The following ADGRV1 variants were observed in gnomAD, a reference collection of about 807,000 sequenced individuals.
ADGRV1 encodes the protein G-protein coupled receptor 98.
ADGRV1 carries 359 observed loss-of-function variants against 596.2 expected under a neutral mutation model. The ratio of observed to expected loss-of-function variants is 0.60; its 90% CI spans 0.55 to 0.66. The LOEUF (loss-of-function observed/expected upper bound fraction) is 0.66. ADGRV1 is among the 30% of genes least tolerant of loss of function. The pLI is 0.00. For missense variants in ADGRV1, 7,274 were observed against 7,575.6 expected, an observed-to-expected ratio of 0.96 and a Z score of 1.48; for synonymous variants, 2,681 against 2,679.2, an observed-to-expected ratio of 1.00 and a Z score of -0.02.
Position 90,653,727 on chromosome 5 carries a change from G to A in ADGRV1, c.4153G>A (p.Val1385Ile). 2 of 1,612,856 alleles carry A rather than the reference G, an allele frequency of 1.2e-6. No individual in the cohort carries two copies. The highest frequency in any genetic ancestry group is 1.1e-5 in the South Asian group (1 of 90,810). Residue 1385 changes from valine (V) to isoleucine (I), a missense_variant, in exon 20 of 90, where the codon GTA (valine) becomes ATA (isoleucine). Physicochemically the swap from Val to Ile is conservative, Grantham distance 29 (BLOSUM62 3). Transcript: ENST00000405460. ...DDGNGSIYYG[V>I]KIQTNESHVT... The stretch of plus-strand genomic sequence containing the variant: ...CGGTAATGGAAGCATCTACTACGGG[G>A]TAAAAATACAAACAAACGAATCCCA...
intron 11 of ADGRV1, among the ~76,000 whole-genome samples, chr5:90,639,972 C>T (rs1027750237): frequency 6.6e-6 from 1 of 152,092 alleles, no homozygotes; most frequent in Non-Finnish European, 1.5e-5. Context: ...CTCTATATTT[C>T]AACTCAATAT....
chr5:90,928,326 C>T (rs1324624261), intron 83 of ADGRV1, among the ~76,000 whole-genome samples: 2 of 152,024 alleles, frequency 1.3e-5, no homozygotes, highest in East Asian at 3.9e-4. Context: ...AGGCTTTGCT[C>T]GTTTCTTTTT....
At chr5:91,163,093 G>GT (rs1282139535) in intron 89 of ADGRV1, among the ~76,000 whole-genome samples, 4 of 152,254 alleles carry the variant, frequency 2.6e-5, no homozygotes, top group African/African-American at 7.2e-5. Flanking sequence ...CTCTAGCATA[G>GT]TTTTTTCTCA....
chr5:90,764,351 G>C (rs1235510681), intron 59 of ADGRV1, among the ~76,000 whole-genome samples: 1 of 152,196 alleles, frequency 6.6e-6, no homozygotes, highest in South Asian at 2.1e-4. Context: ...CTAAAGGCGG[G>C]GAGTTGGGCC....
At chr5:90,641,451 A>G (rs966688306) in intron 11 of ADGRV1, among the ~76,000 whole-genome samples, 1 of 152,172 alleles carries the variant, frequency 6.6e-6, no homozygotes, top group Non-Finnish European at 1.5e-5. Context: ...TTGCATTCTG[A>G]TCCAGTTTTT....
Position 90,644,876 on chromosome 5 carries a change from A to G in ADGRV1, c.2898+7A>G. The stretch of plus-strand genomic sequence containing the variant: ...TTACTCCCTTCCAGATGAGGTAAAT[A>G]TTGCATATAACTTTCTGCCTTACTT... On this transcript the variant is annotated splice_region_variant and intron_variant, in intron 15 of 89. Transcript: ENST00000405460. 2 of 1,562,890 alleles carry G rather than the reference A, an allele frequency of 1.3e-6. No homozygotes were observed. Among genetic ancestry groups the G allele is most frequent in the Non-Finnish European group, 1.7e-6 (2 of 1,155,448 alleles).
intron 50 of ADGRV1, among the ~76,000 whole-genome samples, chr5:90,735,877 G>T (rs1753161413): frequency 6.6e-6 from 1 of 152,018 alleles, no homozygotes; most frequent in Non-Finnish European, 1.5e-5. Context: ...TTGTTTTAAT[G>T]CAAACTTTAG....
At position 90,823,454 on chromosome 5, in the gene ADGRV1, G is replaced by T. The variant is rs567881943; in HGVS notation, c.16226G>T (p.Arg5409Leu). ...TTTGAAGATGTCAAGGTCTTTTGGC[G>T]AGTCACACTTAACAAAACAGTCGTC... ...RAFEDVKVFW[R>L]VTLNKTVVVL... Residue 5409 changes from arginine (R) to leucine (L), a missense_variant, in exon 76 of 90, where the codon CGA becomes CTA. By Grantham distance (102) the Arg-to-Leu change is moderately radical. Coordinates refer to ENST00000405460, the MANE Select transcript of ADGRV1 (RefSeq NM_032119.4). 1 of 1,613,648 alleles carries T rather than the reference G, an allele frequency of 6.2e-7. No homozygotes were observed. Among genetic ancestry groups the T allele is most frequent in the African/African-American group, 1.3e-5 (1 of 74,900 alleles).
At chr5:91,098,846 T>C (rs980099323) in intron 86 of ADGRV1, among the ~76,000 whole-genome samples, 2 of 152,178 alleles carry the variant, frequency 1.3e-5, no homozygotes, top group African/African-American at 4.8e-5. Context: ...ATACAAAATG[T>C]GCATGTCCCT....
At chr5:90,678,520 A>G (rs568697912) in intron 25 of ADGRV1, among the ~76,000 whole-genome samples, 5 of 150,476 alleles carry the variant, frequency 3.3e-5, no homozygotes, top group African/African-American at 1.2e-4. Context: ...GCTATAACAG[A>G]ATACCACATA....
In ADGRV1 at chr5:90,627,165, TG is replaced by T. The variant is rs1489281569; in HGVS notation, c.673-45del. The T allele has an allele frequency of 5.9e-6, 6 of 1,009,218 alleles. No individual in the cohort carries two copies. In the East Asian group the frequency reaches 1.6e-4, roughly 26 times the overall value. The allele number at this position is 1,009,218 out of a possible 1,614,324, so 62.5% of individuals were successfully genotyped here. ...TGTTACACTTTAGTTTATTTGCAGG[TG>T]TTTTGGCTGTTGATGTTTTGCCTCT... On this transcript the variant is annotated intron_variant, in intron 6 of 89. Transcript: ENST00000405460.
chr5:90,620,744 G>A (rs928470766), intron 4 of ADGRV1, among the ~76,000 whole-genome samples: 3 of 152,188 alleles, frequency 2.0e-5, no homozygotes, highest in African/African-American at 7.2e-5. Context: ...TAACAGGTAA[G>A]TCTTTAATCT....
intron 21 of ADGRV1, among the ~76,000 whole-genome samples, chr5:90,664,177 G>A (rs1234627152): frequency 4.7e-5 from 7 of 148,416 alleles, no homozygotes; most frequent in African/African-American, 1.8e-4. Context: ...GATGGGGATG[G>A]CATTGAATCT....
At chr5:91,141,814 G>A (rs1167725406) in intron 87 of ADGRV1, among the ~76,000 whole-genome samples, 1 of 152,174 alleles carries the variant, frequency 6.6e-6, no homozygotes, top group Non-Finnish European at 1.5e-5. Flanking sequence ...CTTCCCAGGG[G>A]TGTCTGCCAA....
rs148230622 is a variant in ADGRV1 at position 90,874,688 on chromosome 5, C to T, written c.17856+10831C>T. ...CATCCTGGCTAACATGGTGAAACCCCGTCTCTACTAAAAATACAAATTAGC... is the reference window on the plus strand; with the variant it reads ...CATCCTGGCTAACATGGTGAAACCCTGTCTCTACTAAAAATACAAATTAGC... On this transcript the variant is annotated intron_variant, in intron 83 of 89. Coordinates refer to ENST00000405460, the MANE Select transcript of ADGRV1 (RefSeq NM_032119.4). Among the ~76,000 whole-genome samples, 15 of 151,938 alleles carry T rather than the reference C, an allele frequency of 9.9e-5. No homozygotes were observed. The East Asian group carries it at 1.2e-3, about 12-fold the overall frequency.
At position 90,745,244 on chromosome 5, in the gene ADGRV1, GC is replaced by G; in HGVS notation, c.10750del (p.His3584IlefsTer11). The G allele has an allele frequency of 1.9e-6, 3 of 1,597,430 alleles. No individual in the cohort carries two copies. The highest frequency in any genetic ancestry group is 2.6e-6 in the Non-Finnish European group (3 of 1,174,394). ...SHIYELAYIS[S>X]HSDFIPSSGE... Reference sequence around the variant, plus strand: ...ATATATGAGCTAGCCTACATTTCCAGCCATTCTGACTTTATTCCTAGGTAGG... The same window carrying G: ...ATATATGAGCTAGCCTACATTTCCAGCATTCTGACTTTATTCCTAGGTAGG... On this transcript the variant is annotated frameshift_variant, in exon 51 of 90. Coordinates refer to ENST00000405460, the MANE Select transcript of ADGRV1 (RefSeq NM_032119.4). LOFTEE classifies it high-confidence loss of function.
At chr5:90,583,231 A>G (rs1480561972) in intron 1 of ADGRV1, among the ~76,000 whole-genome samples, 2 of 152,142 alleles carry the variant, frequency 1.3e-5, no homozygotes, top group Non-Finnish European at 2.9e-5. Flanking sequence ...ATATATGATT[A>G]ATAGACTTTC....
At chr5:90,772,673 A>G (rs530784754) in intron 59 of ADGRV1, among the ~76,000 whole-genome samples, 3 of 152,346 alleles carry the variant, frequency 2.0e-5, no homozygotes, top group Non-Finnish European at 4.4e-5. Flanking sequence ...GGATGAGTAG[A>G]CAAATGTGCA....
chr5:90,576,250 C>T (rs553354855), intron 1 of ADGRV1, among the ~76,000 whole-genome samples: 1 of 152,142 alleles, frequency 6.6e-6, no homozygotes, highest in Non-Finnish European at 1.5e-5. Context: ...TCTCCTAATG[C>T]TATCCCTCCC....
Sources: gnomAD v4.1 joint callset for allele counts (sites outside exome capture counted in the v4.1 genomes callset) on GRCh38, gnomAD v4.1.1 for gene constraint, MANE v1.5 for transcripts, NCBI Gene and HGNC (gene_info 2026-07-23, HGNC 2026-07-21) for gene names.